TM4SF1: variants seen among roughly 807,000 people sequenced by gnomAD.
TM4SF1 encodes transmembrane 4 L six family member 1.
TM4SF1 carries 20 observed loss-of-function variants against 24.5 expected under a neutral mutation model. The observed-to-expected ratio is 0.82, with a 90% CI of 0.57 to 1.19. The LOEUF is 1.19. Among genes scored for constraint, TM4SF1 ranks in the 50% most tolerant of loss-of-function variants. The probability of loss-of-function intolerance (pLI) is 0.00; values close to 1 mark genes in which losing one functional copy is unlikely to be tolerated. For synonymous variants in TM4SF1, 107 were observed against 95.4 expected (o/e 1.12, Z -0.71); for missense variants, 258 against 248.1 (o/e 1.04, Z -0.27).
At chr3:149,375,332 G>A in intron 3 of TM4SF1, 111 bp downstream of exon 3, 2 of 1,370,378 alleles carry the variant, frequency 1.5e-6, no homozygotes, top group Non-Finnish European at 2.0e-6. Context: ...ATAAACACTG[G>A]CTAGGTGGGT....
In TM4SF1 at chr3:149,369,656, A is replaced by G; in HGVS notation, c.*210T>C. On this transcript the variant is annotated 3_prime_UTR_variant, in exon 5 of 5. Transcript: ENST00000305366. The stretch of plus-strand genomic sequence containing the variant: ...TGGTTTGTTTCCTCATTCCTTAAAA[A>G]AAAACAAAAACAAATAAACAAACAA... 1 of 595,606 alleles carries G rather than the reference A, an allele frequency of 1.7e-6. No individual in the cohort carries two copies. The highest frequency in any genetic ancestry group is 2.8e-6 in the Non-Finnish European group (1 of 362,522). 36.9% of individuals were successfully genotyped at this position (595,606 alleles called of 1,614,324 possible). A position where few individuals can be genotyped will look rare whatever the true frequency, so the allele number is the denominator to read the frequency against.
At position 149,377,621 on chromosome 3, in the gene TM4SF1, C is replaced by T; in HGVS notation, c.-74G>A. On this transcript the variant is annotated 5_prime_UTR_variant, in exon 1 of 5. Transcript: ENST00000305366. The stretch of plus-strand genomic sequence containing the variant: ...ATACCCCAAATTAGATGAAAGTGTG[C>T]CCTTCTGGTGGAGAAAGCAAACACC... The T allele has an allele frequency of 6.5e-7, 1 of 1,539,816 alleles. No homozygotes were observed. The highest frequency in any genetic ancestry group is 1.3e-5 in the South Asian group (1 of 77,976).
intron 4 of TM4SF1, 85 bp downstream of exon 4, chr3:149,371,602 T>C: frequency 1.4e-6 from 2 of 1,414,594 alleles, no homozygotes; most frequent in South Asian, 2.3e-5. Context: ...GTCGAGCATG[T>C]TTGGTTTTGC....
At chr3:149,372,705 C>T (rs941249590) in intron 3 of TM4SF1, among the ~76,000 whole-genome samples, 1 of 152,158 alleles carries the variant, frequency 6.6e-6, no homozygotes, top group Non-Finnish European at 1.5e-5. Flanking sequence ...CTCATTGCAA[C>T]CTCTACGTCC....
At position 149,369,202 on chromosome 3, in the gene TM4SF1, T is replaced by A. The variant is rs949944516; in HGVS notation, c.*664A>T. 6.6e-6 allele frequency: 1 copy of A among 152,330 alleles called. No individual in the cohort carries two copies. The highest frequency in any genetic ancestry group is 1.5e-5 in the Non-Finnish European group (1 of 68,156). The allele number at this position is 152,330 out of a possible 1,614,324, so 9.4% of individuals were successfully genotyped here. A position where few individuals can be genotyped will look rare whatever the true frequency, so the allele number is the denominator to read the frequency against. On this transcript the variant is annotated 3_prime_UTR_variant, in exon 5 of 5. Coordinates refer to ENST00000305366, the MANE Select transcript of TM4SF1 (RefSeq NM_014220.3). ...CTTTTTTTAAACACATGATCCCTAG[T>A]ACTCATCTTTGGAGGACAAAAGGCT...
At chr3:149,374,986 A>G (rs1438426607) in intron 3 of TM4SF1, among the ~76,000 whole-genome samples, 1 of 152,208 alleles carries the variant, frequency 6.6e-6, no homozygotes, top group Non-Finnish European at 1.5e-5. Flanking sequence ...ACCTTGGATG[A>G]ATTACTCCAT....
Position 149,377,356 on chromosome 3 carries a change from T to G in TM4SF1, c.177+15A>C, listed in dbSNP as rs756039751. ...GAAACAGGAGAGAATTCAGTAATAA[T>G]CCTGAATGACTTACCAGCAGGCCAC... is the stretch of plus-strand genomic sequence containing the variant. On this transcript the variant is annotated intron_variant, in intron 1 of 4. Transcript: ENST00000305366. 5 of 1,609,592 alleles carry G rather than the reference T, an allele frequency of 3.1e-6. No individual in the cohort carries two copies. Among genetic ancestry groups the G allele is most frequent in the Non-Finnish European group, 4.2e-6 (5 of 1,178,078 alleles).
Position 149,375,548 on chromosome 3 carries a change from C to T in TM4SF1, c.308G>A (p.Gly103Glu), listed in dbSNP as rs1259946252. 3 of 1,614,060 alleles carry T rather than the reference C, an allele frequency of 1.9e-6. No homozygotes were observed. The highest frequency in any genetic ancestry group is 2.5e-6 in the Non-Finnish European group (3 of 1,180,040). ...SVLAALIGIAGSGYCVIVAAL... is the reference protein window; with the variant it reads ...SVLAALIGIAESGYCVIVAAL... Reference sequence around the variant, plus strand: ...TGCCACAATGACACAGTAGCCAGATCCTGCAATTCCAATGAGAGCAGCCAA... The same window carrying T: ...TGCCACAATGACACAGTAGCCAGATTCTGCAATTCCAATGAGAGCAGCCAA... The change falls in exon 3 of 5, where the codon GGA becomes GAA. Residue 103 changes from glycine to glutamate, a missense_variant. Transcript: ENST00000305366.
chr3:149,372,308 T>C (rs761082247), intron 3 of TM4SF1, among the ~76,000 whole-genome samples: 25 of 152,246 alleles, frequency 1.6e-4, no homozygotes, highest in South Asian at 6.2e-4. Context: ...AGGTGTTTTT[T>C]AAAACTGTTT....
At chr3:149,376,614 T>C (rs971193898) in intron 1 of TM4SF1, among the ~76,000 whole-genome samples, 2 of 152,226 alleles carry the variant, frequency 1.3e-5, no homozygotes, top group African/African-American at 4.8e-5. Flanking sequence ...TTTACTTGAT[T>C]AAGAAAATTT....
rs760302476 is a variant in TM4SF1, at chr3:149,377,501, C to G, written c.47G>C (p.Gly16Ala). The change falls in exon 1 of 5, where the codon GGG becomes GCG. Residue 16 changes from glycine to alanine, a missense_variant. Transcript: ENST00000305366. ...AGCCGCGATGCACAGGAGGGCGAGC[C>G]CCACCAGAGAATGTCCGATGCATCG... ...CARCIGHSLVGLALLCIAANI... is the reference protein window; with the variant it reads ...CARCIGHSLVALALLCIAANI... The G allele has an allele frequency of 1.2e-6, 2 of 1,614,074 alleles. No homozygotes were observed. The highest frequency in any genetic ancestry group is 1.7e-6 in the Non-Finnish European group (2 of 1,180,022).
chr3:149,375,603 A>T lies in TM4SF1; in HGVS notation c.268-15T>A. ...GAAGAAAGCATCTAGGGAAAAGCAG[A>T]CACACAGGAAGTGAGCCACAGAGTG... On this transcript the variant is annotated splice_polypyrimidine_tract_variant and intron_variant, in intron 2 of 4. Coordinates refer to ENST00000305366, the MANE Select transcript of TM4SF1 (RefSeq NM_014220.3). 6.2e-7 allele frequency: 1 copy of T among 1,614,202 alleles called. No homozygotes were observed. Among genetic ancestry groups the T allele is most frequent in the Non-Finnish European group, 8.5e-7 (1 of 1,180,016 alleles).
In TM4SF1 at chr3:149,369,765, G is replaced by T; in HGVS notation, c.*101C>A. ...CGTTTGTAAAAGTAGACTGTGGGGA[G>T]TATGTTACACTAATACAAAGTTTTA... On this transcript the variant is annotated 3_prime_UTR_variant, in exon 5 of 5. Coordinates refer to ENST00000305366, the MANE Select transcript of TM4SF1 (RefSeq NM_014220.3). 1 of 1,454,520 alleles carries T rather than the reference G, an allele frequency of 6.9e-7. No individual in the cohort carries two copies. The highest frequency in any genetic ancestry group is 9.5e-7 in the Non-Finnish European group (1 of 1,053,830). The allele number at this position is 1,454,520 out of a possible 1,614,324, so 90.1% of individuals were successfully genotyped here.
At chr3:149,376,337 T>G (rs1731952657) in intron 1 of TM4SF1, among the ~76,000 whole-genome samples, 1 of 152,196 alleles carries the variant, frequency 6.6e-6, no homozygotes, top group Admixed American at 6.5e-5. Flanking sequence ...TGATGTTATG[T>G]TTAAGACAAA....
At chr3:149,375,372 G>C in intron 3 of TM4SF1, 71 bp downstream of exon 3, 1 of 1,566,054 alleles carries the variant, frequency 6.4e-7, no homozygotes, top group Non-Finnish European at 8.7e-7. Flanking sequence ...TGCCTATCTG[G>C]TTTGATAGAG....
rs1731813776 is a variant in TM4SF1 at position 149,371,290 on chromosome 3, G to C, written c.594+397C>G. 11 of 332,062 alleles carry C rather than the reference G, an allele frequency of 3.3e-5. No homozygotes were observed. In the South Asian group the frequency reaches 4.6e-4, roughly 14 times the overall value. The allele number at this position is 332,062 out of a possible 1,614,324, so 20.6% of individuals were successfully genotyped here. On this transcript the variant is annotated intron_variant, in intron 4 of 4. Coordinates refer to ENST00000305366, the MANE Select transcript of TM4SF1 (RefSeq NM_014220.3). ...TTAATATTTGAGTCATATGGGTTTA[G>C]CATAGTGCCTGATGCATTGAATGGT...
At chr3:149,373,319 T>C (rs1477076422) in intron 3 of TM4SF1, among the ~76,000 whole-genome samples, 1 of 152,232 alleles carries the variant, frequency 6.6e-6, no homozygotes, top group East Asian at 1.9e-4. Context: ...CTGGATATTC[T>C]TCCAGTCTGA....
chr3:149,371,614 T>C (rs763524299), intron 4 of TM4SF1, 73 bp downstream of exon 4: 8 of 1,562,816 alleles, frequency 5.1e-6, no homozygotes, highest in Non-Finnish European at 2.6e-6. Flanking sequence ...TGGTTTTGCC[T>C]TTTTCTTTAT....
intron 4 of TM4SF1, 192 bp from the exon 5 acceptor site, chr3:149,370,072 C>T: frequency 1.7e-6 from 1 of 580,076 alleles, no homozygotes. Flanking sequence ...CCCTTGTCTT[C>T]CATGAGTAAA....
Sources: gnomAD v4.1 joint callset for allele counts (sites outside exome capture counted in the v4.1 genomes callset) on GRCh38, gnomAD v4.1.1 for gene constraint, MANE v1.5 for transcripts, NCBI Gene and HGNC (gene_info 2026-07-23, HGNC 2026-07-21) for gene names.